Variants in SDCCAG8 observed in about 807,000 individuals in gnomAD.
SDCCAG8 encodes the protein serologically defined colon cancer antigen 8.
In SDCCAG8, 74 loss-of-function variants were observed where a neutral mutation model predicts 101.8. The ratio of observed to expected loss-of-function variants is 0.73; its 90% CI spans 0.60 to 0.88. The LOEUF (loss-of-function observed/expected upper bound fraction) is 0.88. Ranked by LOEUF, SDCCAG8 falls within the 40% of genes least tolerant of loss-of-function variation. SDCCAG8 has a pLI of 0.00. For synonymous variants in SDCCAG8, 281 were observed against 292.9 expected, an observed-to-expected ratio of 0.96 and a Z score of 0.41; for missense variants, 787 against 822.6, an observed-to-expected ratio of 0.96 and a Z score of 0.53.
chr1:243,370,240 T>C (rs2077211295), intron 12 of SDCCAG8, among the ~76,000 whole-genome samples: 1 of 152,088 alleles, frequency 6.6e-6, no homozygotes, highest in Admixed American at 6.6e-5. Flanking sequence ...CCTTGAACAT[T>C]GTTAATATTT....
At chr1:243,330,753 A>T (rs1233489695) in intron 10 of SDCCAG8, 61 bp downstream of exon 10, 1 of 1,534,550 alleles carries the variant, frequency 6.5e-7, no homozygotes, top group East Asian at 2.2e-5. Context: ...GATGCCATTG[A>T]TGATTCCATA....
At chr1:243,398,849 T>C (rs1271854267) in intron 13 of SDCCAG8, among the ~76,000 whole-genome samples, 1 of 152,216 alleles carries the variant, frequency 6.6e-6, no homozygotes, top group African/African-American at 2.4e-5. Context: ...AAAGTGTCTT[T>C]TGTGATATGA....
At chr1:243,311,291 GAAAAC>G (rs1553305343) in intron 8 of SDCCAG8, among the ~76,000 whole-genome samples, 1 of 151,918 alleles carries the variant, frequency 6.6e-6, no homozygotes, top group Non-Finnish European at 1.5e-5. Flanking sequence ...ATTGTTGCAA[GAAAAC>G]AAAACAAAAT....
In SDCCAG8 at chr1:243,318,495, C is replaced by T. The variant is rs888522072; in HGVS notation, c.1068+1602C>T. 10 of 942,496 alleles carry T rather than the reference C, an allele frequency of 1.1e-5. No individual in the cohort carries two copies. The South Asian group carries it at 2.4e-4, about 23-fold the overall frequency. 58.4% of individuals were successfully genotyped at this position (942,496 alleles called of 1,614,324 possible). A position where few individuals can be genotyped will look rare whatever the true frequency, so the allele number is the denominator to read the frequency against. On this transcript the variant is annotated intron_variant, in intron 9 of 17. Transcript: ENST00000366541. ...TGTAACAAACCTTCACATGTACCCC[C>T]GAACCTAAAATAAAAGTTAAAAAAA...
intron 6 of SDCCAG8, among the ~76,000 whole-genome samples, chr1:243,297,528 C>G (rs776871975): frequency 6.6e-5 from 10 of 151,698 alleles, no homozygotes; most frequent in Non-Finnish European, 1.0e-4. Context: ...AGTTTACACT[C>G]CTACCCATAC....
At chr1:243,311,208 A>G (rs1358974111) in intron 8 of SDCCAG8, among the ~76,000 whole-genome samples, 7 of 152,232 alleles carry the variant, frequency 4.6e-5, no homozygotes, top group Non-Finnish European at 1.0e-4. Flanking sequence ...TAGATAAACT[A>G]TGTCATTTTG....
intron 9 of SDCCAG8, among the ~76,000 whole-genome samples, chr1:243,320,598 T>C (rs182361422): frequency 9.2e-5 from 14 of 152,286 alleles, no homozygotes; most frequent in Admixed American, 4.6e-4. Flanking sequence ...ATTCAACTTC[T>C]GGCCCCACCA....
At chr1:243,490,313 G>A (rs1574385260) in intron 17 of SDCCAG8, among the ~76,000 whole-genome samples, 1 of 152,230 alleles carries the variant, frequency 6.6e-6, no homozygotes. Context: ...ACTGCTCCCA[G>A]GGACTGTGGG....
chr1:243,258,835 A>C (rs1396709127), intron 1 of SDCCAG8, among the ~76,000 whole-genome samples: 3 of 152,210 alleles, frequency 2.0e-5, no homozygotes, highest in Non-Finnish European at 4.4e-5. Flanking sequence ...AATGCAGTTT[A>C]AAGTTCTATG....
At chr1:243,295,837 A>C (rs185126739) in intron 6 of SDCCAG8, among the ~76,000 whole-genome samples, 1 of 151,920 alleles carries the variant, frequency 6.6e-6, no homozygotes, top group Non-Finnish European at 1.5e-5. Context: ...CACTGTGTTT[A>C]TGACTATTGG....
At chr1:243,335,866 C>T (rs909914606) in intron 10 of SDCCAG8, among the ~76,000 whole-genome samples, 7 of 152,274 alleles carry the variant, frequency 4.6e-5, no homozygotes, top group Admixed American at 3.9e-4. Flanking sequence ...ACTTAGCTCC[C>T]ACTTGTGAGT....
intron 12 of SDCCAG8, among the ~76,000 whole-genome samples, chr1:243,355,620 T>C (rs2076339626): frequency 6.6e-6 from 1 of 152,152 alleles, no homozygotes; most frequent in African/African-American, 2.4e-5. Flanking sequence ...TATTATTATT[T>C]TGGGATTTGG....
At chr1:243,385,692 G>A (rs72759855) in intron 13 of SDCCAG8, among the ~76,000 whole-genome samples, 8,455 of 152,158 alleles carry the variant, frequency 0.056, 305 homozygotes, top group South Asian at 0.13. Flanking sequence ...ATCTTAGGCC[G>A]GGCACGGTGG....
intron 16 of SDCCAG8, among the ~76,000 whole-genome samples, chr1:243,486,063 G>A (rs1432568568): frequency 6.6e-6 from 1 of 151,348 alleles, no homozygotes; most frequent in Non-Finnish European, 1.5e-5. Context: ...CCGCCGTTGT[G>A]GCACATGCCT....
At chr1:243,359,570 C>A (rs1407253725) in intron 12 of SDCCAG8, among the ~76,000 whole-genome samples, 1 of 152,112 alleles carries the variant, frequency 6.6e-6, no homozygotes, top group East Asian at 1.9e-4. Context: ...TCTGTGTGTA[C>A]CTGGAGGGCA....
intron 4 of SDCCAG8, among the ~76,000 whole-genome samples, chr1:243,285,760 A>G (rs2069549496): frequency 6.6e-6 from 1 of 152,158 alleles, no homozygotes; most frequent in Non-Finnish European, 1.5e-5. Context: ...AGGCCAAGGA[A>G]ATACTCTTTC....
Position 243,275,417 on chromosome 1 carries a change from A to G in SDCCAG8, c.420+761A>G, listed in dbSNP as rs2068458713. Among the ~76,000 whole-genome samples, 2 of 151,918 alleles carry G rather than the reference A, an allele frequency of 1.3e-5. 1 individual carries two copies. The highest frequency in any genetic ancestry group is 1.3e-4 in the Admixed American group (2 of 15,242). On this transcript the variant is annotated intron_variant, in intron 4 of 17. Coordinates refer to ENST00000366541, the MANE Select transcript of SDCCAG8 (RefSeq NM_006642.5). Reference sequence around the variant, plus strand: ...TATAGTATATGATATTATGTATTATATTGTTGACATTTTAAGATGCAAGGC... The same window carrying G: ...TATAGTATATGATATTATGTATTATGTTGTTGACATTTTAAGATGCAAGGC...
rs190320481 is a variant in SDCCAG8, at chr1:243,334,201, C to T, written c.1221+3509C>T. Reference sequence around the variant, plus strand: ...TACCATATCTCATCCTTGGATGGTTCCTATAGCCCCTGTGGTGTCCTTGCC... The same window carrying T: ...TACCATATCTCATCCTTGGATGGTTTCTATAGCCCCTGTGGTGTCCTTGCC... On this transcript the variant is annotated intron_variant, in intron 10 of 17. Transcript: ENST00000366541. Among the ~76,000 whole-genome samples, 220 of 152,254 alleles carry T rather than the reference C, an allele frequency of 1.4e-3. 1 individual carries two copies. The highest frequency in any genetic ancestry group is 5.1e-3 in the African/African-American group (210 of 41,526).
chr1:243,493,230 G>A (rs1366735857), intron 17 of SDCCAG8, among the ~76,000 whole-genome samples: 4 of 144,460 alleles, frequency 2.8e-5, no homozygotes, highest in African/African-American at 1.0e-4. Flanking sequence ...TGGTGGGGGT[G>A]GGGGGAGGGG....
Sources: allele counts gnomAD v4.1 joint callset (sites outside exome capture counted in the v4.1 genomes callset), GRCh38; gene constraint gnomAD v4.1.1; transcripts MANE v1.5; gene names NCBI Gene and HGNC (gene_info 2026-07-23, HGNC 2026-07-21).